Variants in RBM34 observed in about 807,000 individuals in gnomAD.
RBM34 encodes RNA binding motif protein 34.
In RBM34, 39 loss-of-function variants were observed where a neutral mutation model predicts 44.6. That is an observed-to-expected ratio of 0.87 (90% CI 0.68 to 1.14). The LOEUF is 1.14. RBM34 is among the 50% of genes most tolerant of loss of function. RBM34 has a pLI of 0.00. For synonymous variants in RBM34, 194 were observed against 184.0 expected, an observed-to-expected ratio of 1.05 and a Z score of -0.44; for missense variants, 572 against 517.9, an observed-to-expected ratio of 1.10 and a Z score of -1.01.
At position 235,152,405 on chromosome 1, in the gene RBM34, T is replaced by C. The variant is rs927848262; in HGVS notation, c.657+301A>G. The C allele has an allele frequency of 2.6e-5, 23 of 886,540 alleles. No individual in the cohort carries two copies. The African/African-American group carries it at 3.9e-4, about 15-fold the overall frequency. 54.9% of individuals were successfully genotyped at this position (886,540 alleles called of 1,614,324 possible). A position where few individuals can be genotyped will look rare whatever the true frequency, so the allele number is the denominator to read the frequency against. ...ATGCCTAGGATTCCAGCAATGATAA[T>C]CAGTATTAACTTTTCAGTCTATTCT... On this transcript the variant is annotated intron_variant, in intron 5 of 10. Transcript: ENST00000408888.
Position 235,152,751 on chromosome 1 carries a change from A to C in RBM34, c.612T>G (p.Phe204Leu), listed in dbSNP as rs1192429744. 1.3e-6 allele frequency: 2 copies of C among 1,586,234 alleles called. No individual in the cohort carries two copies. The highest frequency in any genetic ancestry group is 2.7e-5 in the African/African-American group (2 of 73,442). Reference protein sequence around the residue: ...VTCNKKKLKSFFKEYGQIESV... With the variant: ...VTCNKKKLKSLFKEYGQIESV... ...ATTCTATTTGTCCATACTCTTTAAA[A>C]AACGACTTCAGCTTCTAAAATTAAA... Residue 204 changes from phenylalanine to leucine, a missense_variant, in exon 5 of 11, where the codon TTT becomes TTG. By Grantham distance (22) the Phe-to-Leu change is conservative (BLOSUM62 0). Transcript: ENST00000408888.
chr1:235,149,689 C>T (rs181335053), intron 5 of RBM34, among the ~76,000 whole-genome samples: 67 of 152,206 alleles, frequency 4.4e-4, no homozygotes, highest in Non-Finnish European at 1.5e-4. Flanking sequence ...CAGAAATACA[C>T]GTCAACAACT....
chr1:235,146,393 C>T (rs1661909228), intron 6 of RBM34, among the ~76,000 whole-genome samples: 2 of 152,094 alleles, frequency 1.3e-5, no homozygotes, highest in African/African-American at 2.4e-5. Context: ...ATCACTTTCA[C>T]ACCAATATAA....
chr1:235,142,104 G>A (rs1661709034), intron 6 of RBM34, among the ~76,000 whole-genome samples: 2 of 152,058 alleles, frequency 1.3e-5, no homozygotes. Flanking sequence ...GGAGAGGTGG[G>A]AAACATCCTC....
At chr1:235,156,640 G>C (rs768752461) in intron 3 of RBM34, 1 of 464,822 alleles carries the variant, frequency 2.2e-6, no homozygotes, top group Non-Finnish European at 4.4e-6. Flanking sequence ...AGTATTGCTG[G>C]ATATGGATAA....
intron 10 of RBM34, among the ~76,000 whole-genome samples, chr1:235,132,284 A>G (rs1276809279): frequency 1.3e-5 from 2 of 151,846 alleles, no homozygotes; most frequent in African/African-American, 4.8e-5. Context: ...TCTAGACTAG[A>G]TTAGTCATAT....
At chr1:235,134,351 G>A (rs1000352419) in intron 10 of RBM34, among the ~76,000 whole-genome samples, 30 of 152,130 alleles carry the variant, frequency 2.0e-4, no homozygotes, top group African/African-American at 7.0e-4. Context: ...TGTAGAGTCG[G>A]TGTCTACCTA....
intron 3 of RBM34, among the ~76,000 whole-genome samples, chr1:235,156,121 G>A (rs2102862519): frequency 1.3e-5 from 2 of 150,926 alleles, no homozygotes; most frequent in Middle Eastern, 6.9e-3. Context: ...GCCCGCCTCA[G>A]CCTCCCAAAG....
intron 3 of RBM34, chr1:235,156,615 G>C (rs770737545): frequency 8.8e-6 from 4 of 455,598 alleles, no homozygotes; most frequent in Non-Finnish European, 1.8e-5. Context: ...TTGTGAAACG[G>C]TAAATACAAT....
chr1:235,157,426 A>G (rs1166666148), intron 3 of RBM34, among the ~76,000 whole-genome samples: 1 of 152,236 alleles, frequency 6.6e-6, no homozygotes, highest in Non-Finnish European at 1.5e-5. Flanking sequence ...GGCAACTAGA[A>G]GGCTAGTGGT....
intron 6 of RBM34, 41 bp downstream of exon 6, chr1:235,148,363 G>GA: frequency 6.7e-7 from 1 of 1,481,662 alleles, no homozygotes. Flanking sequence ...CAAAAAGGAA[G>GA]AAAGTTTAAG....
chr1:235,152,558 T>C (rs1662209263), intron 5 of RBM34, 148 bp downstream of exon 5: 8 of 1,405,324 alleles, frequency 5.7e-6, no homozygotes, highest in Non-Finnish European at 7.4e-6. Flanking sequence ...CAGTAGATAG[T>C]AAGAGCAACT....
At chr1:235,133,314 C>T (rs1572139450) in intron 10 of RBM34, among the ~76,000 whole-genome samples, 1 of 152,160 alleles carries the variant, frequency 6.6e-6, no homozygotes, top group Non-Finnish European at 1.5e-5. Flanking sequence ...GCACTCCAGC[C>T]TGAGCAACAG....
rs1661423066 is a variant in RBM34, at chr1:235,136,213, TTC to T, written c.850-142_850-141del. Reference sequence around the variant, plus strand: ...TTTAACCACACATCATGTTCTTTGATTCTGTTTCTTCTGTCTTCCCTGCTGGA... The same window carrying T: ...TTTAACCACACATCATGTTCTTTGATTGTTTCTTCTGTCTTCCCTGCTGGA... On this transcript the variant is annotated intron_variant, in intron 8 of 10. Transcript: ENST00000408888. 3 of 700,372 alleles carry T rather than the reference TTC, an allele frequency of 4.3e-6. No homozygotes were observed. In the Admixed American group the frequency reaches 8.3e-5, roughly 19 times the overall value. The allele number at this position is 700,372 out of a possible 1,614,324, so 43.4% of individuals were successfully genotyped here.
At position 235,131,616 on chromosome 1, in the gene RBM34, T is replaced by G; in HGVS notation, c.*97A>C. The G allele has an allele frequency of 7.4e-7, 1 of 1,358,416 alleles. No homozygotes were observed. The highest frequency in any genetic ancestry group is 1.0e-6 in the Non-Finnish European group (1 of 995,038). 84.1% of individuals were successfully genotyped at this position (1,358,416 alleles called of 1,614,324 possible). A position where few individuals can be genotyped will look rare whatever the true frequency, so the allele number is the denominator to read the frequency against. ...CACATACACCATCCATAAAGAAGTA[T>G]AAAACTCAACACATGAATAGCAGAC... On this transcript the variant is annotated 3_prime_UTR_variant, in exon 11 of 11. Coordinates refer to ENST00000408888, the MANE Select transcript of RBM34 (RefSeq NM_015014.4).
chr1:235,137,330 C>CT (rs1317804725), intron 8 of RBM34, among the ~76,000 whole-genome samples: 4 of 152,162 alleles, frequency 2.6e-5, no homozygotes, highest in African/African-American at 9.7e-5. Flanking sequence ...CAGATGATGT[C>CT]TAATGTACCT....
At chr1:235,146,243 G>C (rs1045952469) in intron 6 of RBM34, among the ~76,000 whole-genome samples, 1 of 152,064 alleles carries the variant, frequency 6.6e-6, no homozygotes, top group African/African-American at 2.4e-5. Context: ...ACTGCACCCG[G>C]CCTTCAGCAT....
At position 235,141,711 on chromosome 1, in the gene RBM34, G is replaced by A. The variant is rs891168036; in HGVS notation, c.702-3537C>T. The stretch of plus-strand genomic sequence containing the variant: ...AAAGATCTGCAGCTTCACTCCTGAA[G>A]CCAGCGAGACCACGAGGCCACCGGG... On this transcript the variant is annotated intron_variant, in intron 6 of 10. Coordinates refer to ENST00000408888, the MANE Select transcript of RBM34 (RefSeq NM_015014.4). 3.3e-5 allele frequency among the ~76,000 whole-genome samples: 5 copies of A among 152,270 alleles called. No individual in the cohort carries two copies. In the East Asian group the frequency reaches 9.7e-4, roughly 29 times the overall value.
At chr1:235,142,453 A>G (rs1469190289) in intron 6 of RBM34, among the ~76,000 whole-genome samples, 3 of 151,772 alleles carry the variant, frequency 2.0e-5, no homozygotes, top group Non-Finnish European at 4.4e-5. Context: ...TAATTTTTGT[A>G]TTTTTAGTAG....
Sources: allele counts gnomAD v4.1 joint callset (sites outside exome capture counted in the v4.1 genomes callset), GRCh38; gene constraint gnomAD v4.1.1; transcripts MANE v1.5; gene names NCBI Gene and HGNC (gene_info 2026-07-23, HGNC 2026-07-21).